Variants in MALRD1 observed in about 807,000 individuals in gnomAD.
MALRD1 encodes the protein MAM and LDL-receptor class A domain-containing protein 1.
A neutral mutation model predicts 242.1 loss-of-function variants in MALRD1; 247 were observed. That is an observed-to-expected ratio of 1.02 (90% CI 0.92 to 1.13). The LOEUF (loss-of-function observed/expected upper bound fraction) is 1.13. Among genes scored for constraint, MALRD1 ranks in the 50% most tolerant of loss-of-function variants. The pLI is 0.00. For missense variants in MALRD1, 2,989 were observed against 2,533.1 expected, an observed-to-expected ratio of 1.18 and a Z score of -3.86; for synonymous variants, 995 against 866.6, an observed-to-expected ratio of 1.15 and a Z score of -2.60.
intron 31 of MALRD1, among the ~76,000 whole-genome samples, chr10:19,506,284 A>G (rs1215647142): frequency 6.6e-6 from 1 of 152,226 alleles, no homozygotes; most frequent in Non-Finnish European, 1.5e-5. Context: ...GAAGACAACC[A>G]ATGTCATGAA....
At chr10:19,548,786 C>G (rs1835359131) in intron 32 of MALRD1, among the ~76,000 whole-genome samples, 1 of 152,204 alleles carries the variant, frequency 6.6e-6, no homozygotes, top group South Asian at 2.1e-4. Context: ...TAGGCCAACC[C>G]TTCAAGGCCA....
chr10:19,324,163 A>C, intron 22 of MALRD1, 58 bp downstream of exon 22: 1 of 1,452,134 alleles, frequency 6.9e-7, no homozygotes. Flanking sequence ...ACAGTGCATA[A>C]TTTGGTATCA....
intron 29 of MALRD1, among the ~76,000 whole-genome samples, chr10:19,478,189 C>T (rs575119357): frequency 4.1e-4 from 63 of 152,308 alleles, no homozygotes; most frequent in South Asian, 1.7e-3. Flanking sequence ...ATCCTTACTG[C>T]GCATTATTGT....
At chr10:19,258,197 A>G (rs112194134) in intron 19 of MALRD1, among the ~76,000 whole-genome samples, 2 of 152,092 alleles carry the variant, frequency 1.3e-5, no homozygotes, top group African/African-American at 4.8e-5. Flanking sequence ...TTATGGTTTT[A>G]TGTCTATTAA....
chr10:19,637,260 A>C (rs1197288907), intron 36 of MALRD1, among the ~76,000 whole-genome samples: 1 of 152,222 alleles, frequency 6.6e-6, no homozygotes, highest in African/African-American at 2.4e-5. Context: ...ATGGAACAAT[A>C]ATGTCAGTTT....
intron 36 of MALRD1, among the ~76,000 whole-genome samples, chr10:19,670,981 C>T (rs919570101): frequency 4.6e-5 from 7 of 151,838 alleles, no homozygotes; most frequent in Non-Finnish European, 7.4e-5. Flanking sequence ...CGGGTTCACG[C>T]CATTCTCCTG....
intron 2 of MALRD1, among the ~76,000 whole-genome samples, chr10:19,077,503 C>G (rs910258129): frequency 2.6e-5 from 4 of 151,826 alleles, no homozygotes; most frequent in Non-Finnish European, 5.9e-5. Flanking sequence ...AATGCTGACC[C>G]TAAAGGGTGC....
At chr10:19,565,741 C>G (rs1359344777) in intron 32 of MALRD1, among the ~76,000 whole-genome samples, 1 of 152,148 alleles carries the variant, frequency 6.6e-6, no homozygotes, top group East Asian at 1.9e-4. Context: ...CTGATTGAAT[C>G]TTAGCTGCTT....
intron 4 of MALRD1, among the ~76,000 whole-genome samples, chr10:19,102,778 A>T (rs1159160093): frequency 2.0e-5 from 3 of 152,142 alleles, no homozygotes; most frequent in Non-Finnish European, 2.9e-5. Flanking sequence ...AGTTTCTCAG[A>T]TCAATCATAC....
intron 14 of MALRD1, among the ~76,000 whole-genome samples, chr10:19,191,477 A>G (rs1370233733): frequency 2.6e-5 from 4 of 152,214 alleles, no homozygotes; most frequent in African/African-American, 9.6e-5. Context: ...TGCTTCGGCA[A>G]TTCCAGTTTT....
chr10:19,357,034 T>C (rs558273422), intron 26 of MALRD1, among the ~76,000 whole-genome samples: 6 of 151,456 alleles, frequency 4.0e-5, no homozygotes, highest in African/African-American at 1.2e-4. Context: ...TGCTTGAACC[T>C]GGGAGGCGGA....
chr10:19,267,596 T>C (rs1840022487), intron 19 of MALRD1, among the ~76,000 whole-genome samples: 1 of 152,146 alleles, frequency 6.6e-6, no homozygotes, highest in Non-Finnish European at 1.5e-5. Context: ...GGGAACAGTG[T>C]CAATACTATT....
chr10:19,630,581 A>C (rs1160521599), intron 36 of MALRD1, among the ~76,000 whole-genome samples: 2 of 152,154 alleles, frequency 1.3e-5, no homozygotes, highest in Non-Finnish European at 2.9e-5. Context: ...AATGAGAATA[A>C]GGCTTTGCAT....
chr10:19,553,412 A>G (rs147717629), intron 32 of MALRD1, among the ~76,000 whole-genome samples: 3,233 of 152,280 alleles, frequency 0.021, 43 homozygotes, highest in Non-Finnish European at 0.034. Context: ...GCTAATAACC[A>G]ATATGTCAGA....
chr10:19,284,501 G>A (rs1395471512), intron 21 of MALRD1, among the ~76,000 whole-genome samples: 2 of 148,316 alleles, frequency 1.3e-5, no homozygotes, highest in Non-Finnish European at 3.0e-5. Flanking sequence ...AATATGCGGT[G>A]TTTGGTTTTT....
At chr10:19,211,026 A>T (rs902136995) in intron 18 of MALRD1, among the ~76,000 whole-genome samples, 26 of 152,234 alleles carry the variant, frequency 1.7e-4, no homozygotes, top group Non-Finnish European at 3.7e-4. Context: ...TTTGACTTTT[A>T]TGTAATAATG....
intron 21 of MALRD1, among the ~76,000 whole-genome samples, chr10:19,309,013 AT>A (rs2131983705): frequency 6.6e-6 from 1 of 151,680 alleles, no homozygotes; most frequent in African/African-American, 2.4e-5. Flanking sequence ...TTGGGCTTGT[AT>A]TGCAAATCAG....
chr10:19,544,794 A>T (rs1310497927), intron 32 of MALRD1, among the ~76,000 whole-genome samples: 1 of 151,626 alleles, frequency 6.6e-6, no homozygotes, highest in Non-Finnish European at 1.5e-5. Context: ...AATGACCATG[A>T]CCTCTCTTCA....
chr10:19,165,070 A>C (rs1410565542), intron 12 of MALRD1, among the ~76,000 whole-genome samples: 1 of 151,484 alleles, frequency 6.6e-6, no homozygotes, highest in African/African-American at 2.4e-5. Flanking sequence ...TATGTATAGT[A>C]ATACTTGATT....
Sources: gnomAD v4.1 joint callset for allele counts (sites outside exome capture counted in the v4.1 genomes callset) on GRCh38, gnomAD v4.1.1 for gene constraint, MANE v1.5 for transcripts, NCBI Gene and HGNC (gene_info 2026-07-23, HGNC 2026-07-21) for gene names.